The following DNER variants were observed in gnomAD, a reference collection of about 807,000 sequenced individuals.
DNER encodes the protein delta and Notch-like epidermal growth factor-related receptor.
DNER carries 33 observed loss-of-function variants against 78.2 expected under a neutral mutation model. The ratio of observed to expected loss-of-function variants is 0.42; its 90% CI spans 0.32 to 0.56. The LOEUF (loss-of-function observed/expected upper bound fraction) is 0.56, where lower values mean the gene tolerates loss of function less well. DNER is among the 20% of genes least tolerant of loss of function. The probability of loss-of-function intolerance (pLI) is 0.11; values close to 1 mark genes in which losing one functional copy is unlikely to be tolerated. For missense variants in DNER, 918 were observed against 975.3 expected (o/e 0.94, Z 0.78); for synonymous variants, 417 against 384.8 (o/e 1.08, Z -0.98).
intron 8 of DNER, among the ~76,000 whole-genome samples, chr2:229,442,052 T>A (rs1295656986): frequency 6.6e-6 from 1 of 152,170 alleles, no homozygotes; most frequent in African/African-American, 2.4e-5. Context: ...AGGATTCCAT[T>A]TGGGGTCCCA....
intron 8 of DNER, among the ~76,000 whole-genome samples, chr2:229,436,844 C>T (rs1309193996): frequency 6.6e-6 from 1 of 152,180 alleles, no homozygotes; most frequent in African/African-American, 2.4e-5. Flanking sequence ...TACAAAAACA[C>T]ACTTAAGTAC....
At chr2:229,611,936 G>A (rs562318808) in intron 1 of DNER, among the ~76,000 whole-genome samples, 21 of 152,308 alleles carry the variant, frequency 1.4e-4, no homozygotes, top group Admixed American at 4.6e-4. Context: ...TGCAGGTAAG[G>A]AGTGTGAAGC....
intron 1 of DNER, among the ~76,000 whole-genome samples, chr2:229,695,849 G>T (rs752837277): frequency 3.3e-5 from 5 of 152,180 alleles, no homozygotes; most frequent in Admixed American, 6.5e-5. Flanking sequence ...CCCTTGACCT[G>T]AGGATGAAAT....
Position 229,479,533 on chromosome 2 carries a change from C to T in DNER, c.1148-2280G>A, listed in dbSNP as rs144333205. Among the ~76,000 whole-genome samples the T allele has an allele frequency of 9.6e-3, 1,453 of 151,966 alleles. 19 individuals carry two copies. Among genetic ancestry groups the T allele is most frequent in the African/African-American group, 0.033 (1,360 of 41,440 alleles). Reference sequence around the variant, plus strand: ...TTCAAGACCAGCCTGACCAGCATGGCAAAACCCTGTCTCTACTAAAAATAC... The same window carrying T: ...TTCAAGACCAGCCTGACCAGCATGGTAAAACCCTGTCTCTACTAAAAATAC... On this transcript the variant is annotated intron_variant, in intron 6 of 12. Transcript: ENST00000341772.
chr2:229,697,016 A>C (rs1699672362), intron 1 of DNER, among the ~76,000 whole-genome samples: 1 of 152,194 alleles, frequency 6.6e-6, no homozygotes, highest in African/African-American at 2.4e-5. Flanking sequence ...AAGAATTAAA[A>C]ACTGAGACTC....
intron 6 of DNER, among the ~76,000 whole-genome samples, chr2:229,502,963 A>G (rs1477591680): frequency 6.6e-6 from 1 of 152,184 alleles, no homozygotes; most frequent in African/African-American, 2.4e-5. Context: ...TGATTAAGCA[A>G]TTCTTGCCAA....
chr2:229,370,874 C>T, intron 11 of DNER, among the ~76,000 whole-genome samples: 1 of 152,328 alleles, frequency 6.6e-6, no homozygotes, highest in East Asian at 1.9e-4. Flanking sequence ...TTAACCTACA[C>T]ATCACATCAA....
At chr2:229,367,662 CAAAA>C (rs1221548921) in intron 11 of DNER, among the ~76,000 whole-genome samples, 2 of 151,828 alleles carry the variant, frequency 1.3e-5, no homozygotes, top group African/African-American at 2.4e-5. Context: ...AGGAATTCAT[CAAAA>C]AAATACAAAT....
chr2:229,689,885 T>G lies in DNER; in HGVS notation c.276+24263A>C, dbSNP rs114815651. ...GAGTCTGACTTCTGGATGCCCCATC[T>G]AGAACTCTCTCTAGCATAACAACCT... On this transcript the variant is annotated intron_variant, in intron 1 of 12. Transcript: ENST00000341772. Among the ~76,000 whole-genome samples, 1,347 of 152,326 alleles carry G rather than the reference T, an allele frequency of 8.8e-3. 20 individuals carry two copies. Among genetic ancestry groups the G allele is most frequent in the African/African-American group, 0.031 (1,281 of 41,562 alleles).
At chr2:229,403,568 TC>T (rs1444526133) in intron 10 of DNER, among the ~76,000 whole-genome samples, 1 of 152,160 alleles carries the variant, frequency 6.6e-6, no homozygotes, top group African/African-American at 2.4e-5. Context: ...TATTCTGTGG[TC>T]CTCTGTAGGC....
intron 1 of DNER, among the ~76,000 whole-genome samples, chr2:229,709,746 G>A (rs1354604394): frequency 6.6e-6 from 1 of 152,162 alleles, no homozygotes; most frequent in East Asian, 1.9e-4. Flanking sequence ...CTGAAGGATA[G>A]GATCCTTAGG....
intron 1 of DNER, among the ~76,000 whole-genome samples, chr2:229,638,318 G>A (rs1269987501): frequency 6.6e-6 from 1 of 152,146 alleles, no homozygotes; most frequent in East Asian, 1.9e-4. Context: ...CATAATTGCA[G>A]TCTAGTACAG....
chr2:229,512,073 C>T (rs552457125), intron 6 of DNER, among the ~76,000 whole-genome samples: 1 of 152,258 alleles, frequency 6.6e-6, no homozygotes, highest in South Asian at 2.1e-4. Context: ...CGATGGAATA[C>T]TACTCAGCCA....
intron 4 of DNER, among the ~76,000 whole-genome samples, chr2:229,555,980 C>T (rs76672647): frequency 0.021 from 3,227 of 152,240 alleles, 104 homozygotes; most frequent in African/African-American, 0.065. Context: ...TCACATTAAA[C>T]TATTTATTAA....
chr2:229,510,968 C>A (rs1001790870), intron 6 of DNER, among the ~76,000 whole-genome samples: 2 of 151,956 alleles, frequency 1.3e-5, no homozygotes, highest in Admixed American at 6.6e-5. Context: ...ATCTGGCCTG[C>A]AAGAGAAATA....
rs577857708 is a variant in DNER, at chr2:229,369,578, G to C, written c.1856-2459C>G. The stretch of plus-strand genomic sequence containing the variant: ...AAGAGGACCAGCTGTGGTGGTGGAG[G>C]AGGGAAGGATAAAGGGTCACATGCT... On this transcript the variant is annotated intron_variant, in intron 11 of 12. Coordinates refer to ENST00000341772, the MANE Select transcript of DNER (RefSeq NM_139072.4). 1.9e-3 allele frequency among the ~76,000 whole-genome samples: 292 copies of C among 152,274 alleles called. 2 individuals carry two copies. Among genetic ancestry groups the C allele is most frequent in the Middle Eastern group, 0.017 (5 of 294 alleles).
At chr2:229,670,922 A>C (rs1274058007) in intron 1 of DNER, among the ~76,000 whole-genome samples, 19 of 152,222 alleles carry the variant, frequency 1.2e-4, no homozygotes, top group Admixed American at 1.2e-3. Context: ...GTATAATTTC[A>C]GTGATGAAAA....
chr2:229,441,307 A>G (rs994731131), intron 8 of DNER, among the ~76,000 whole-genome samples: 23 of 150,920 alleles, frequency 1.5e-4, no homozygotes, highest in Admixed American at 5.2e-4. Flanking sequence ...GCCATCCTCA[A>G]TACTTCAAGC....
At chr2:229,662,414 T>A (rs1446616161) in intron 1 of DNER, among the ~76,000 whole-genome samples, 1 of 152,242 alleles carries the variant, frequency 6.6e-6, no homozygotes, top group African/African-American at 2.4e-5. Flanking sequence ...GTTTTACATG[T>A]AACAAATTAC....
Sources: gnomAD v4.1 joint callset for allele counts (sites outside exome capture counted in the v4.1 genomes callset) on GRCh38, gnomAD v4.1.1 for gene constraint, MANE v1.5 for transcripts, NCBI Gene and HGNC (gene_info 2026-07-23, HGNC 2026-07-21) for gene names.